Variants in KCNAB1 observed in about 807,000 individuals in gnomAD.
The protein encoded by KCNAB1 is voltage-gated potassium channel subunit beta-1.
KCNAB1 carries 35 observed loss-of-function variants against 64.6 expected under a neutral mutation model. That is an observed-to-expected ratio of 0.54 (90% CI 0.41 to 0.72). The LOEUF is 0.72. Among genes scored for constraint, KCNAB1 ranks in the 30% least tolerant of loss-of-function variants. The probability of loss-of-function intolerance (pLI) is 0.00; values close to 1 mark genes in which losing one functional copy is unlikely to be tolerated. For missense variants in KCNAB1, 401 were observed against 512.9 expected (o/e 0.78, Z 2.11); for synonymous variants, 177 against 183.8 (o/e 0.96, Z 0.30).
At chr3:156,415,566 C>T (rs1180998796) in intron 1 of KCNAB1, among the ~76,000 whole-genome samples, 26 of 152,168 alleles carry the variant, frequency 1.7e-4, no homozygotes, top group Admixed American at 1.7e-3. Flanking sequence ...CTCCACCCCA[C>T]TCGCTGCGCT....
intron 1 of KCNAB1, among the ~76,000 whole-genome samples, chr3:156,342,621 T>A (rs774167426): frequency 0.016 from 2,363 of 148,372 alleles, 14 homozygotes; most frequent in Non-Finnish European, 0.027. Flanking sequence ...TTTTTTTTTT[T>A]TTATTATACT....
In KCNAB1 at chr3:156,120,707, CA is replaced by C. The variant is rs1381816408; in HGVS notation, c.99del (p.Lys33AsnfsTer36). ...QSGFSVAGKD[K>X]SPKKASENAK... is the part of the protein sequence containing the mutation. ...CTGGGTTTTCTGTAGCAGGGAAAGA[CA>C]AATCTCCCAAGAAAGCCTCAGAAAA... On this transcript the variant is annotated frameshift_variant, in exon 1 of 14. Transcript: ENST00000490337. LOFTEE classifies it high-confidence loss of function. The C allele has an allele frequency of 2.5e-6, 4 of 1,614,112 alleles. No homozygotes were observed. Among genetic ancestry groups the C allele is most frequent in the Non-Finnish European group, 3.4e-6 (4 of 1,180,042 alleles).
At chr3:156,441,007 T>C (rs1395836961) in intron 2 of KCNAB1, 1 of 152,190 alleles carries the variant, frequency 6.6e-6, no homozygotes, top group Non-Finnish European at 1.5e-5. Context: ...ATATTCCTCT[T>C]TGAGTTTTTA....
intron 12 of KCNAB1, among the ~76,000 whole-genome samples, chr3:156,530,194 G>A (rs1380501942): frequency 1.3e-5 from 2 of 152,164 alleles, no homozygotes; most frequent in Non-Finnish European, 2.9e-5. Context: ...TTGAAATGGG[G>A]TGATGGGGGC....
rs569756109 is a variant in KCNAB1 at position 156,124,379 on chromosome 3, G to A, written c.275+3493G>A. On this transcript the variant is annotated intron_variant, in intron 1 of 13. Coordinates refer to ENST00000490337, the MANE Select transcript of KCNAB1 (RefSeq NM_172160.3). The stretch of plus-strand genomic sequence containing the variant: ...TTACAGGTGGGTGCCATTACGCCCA[G>A]CTAATTTTTGTATTTTTAGTAGAGT... Among the ~76,000 whole-genome samples the A allele has an allele frequency of 2.2e-3, 337 of 151,948 alleles. 1 individual carries two copies. The highest frequency in any genetic ancestry group is 7.4e-3 in the African/African-American group (307 of 41,454).
intron 1 of KCNAB1, among the ~76,000 whole-genome samples, chr3:156,284,289 G>A (rs1182585636): frequency 1.3e-5 from 2 of 152,100 alleles, no homozygotes; most frequent in Non-Finnish European, 2.9e-5. Context: ...AGGGGTCAGG[G>A]GTCAGGGACC....
At chr3:156,255,341 G>T (rs770788991) in intron 1 of KCNAB1, among the ~76,000 whole-genome samples, 3 of 152,320 alleles carry the variant, frequency 2.0e-5, no homozygotes, top group Non-Finnish European at 2.9e-5. Context: ...TTACTGTCAT[G>T]GAAGCAAATT....
rs56259743 is a variant in KCNAB1, at chr3:156,439,224, ATTTTTTTTTT to A, written c.320-13660_320-13651del. On this transcript the variant is annotated intron_variant, in intron 2 of 13. Transcript: ENST00000490337. The stretch of plus-strand genomic sequence containing the variant: ...AAAAGTGTTAATTTGCATCATTGTG[ATTTTTTTTTT>A]TTTTTTTTTTTTTTGGTTCTCACAA... 5.2e-5 allele frequency among the ~76,000 whole-genome samples: 6 copies of A among 115,096 alleles called. No homozygotes were observed. The South Asian group carries it at 8.2e-4, about 16-fold the overall frequency. The allele number at this position is 115,096 out of a possible 152,430, so 75.5% of individuals were successfully genotyped here. A position where few individuals can be genotyped will look rare whatever the true frequency, so the allele number is the denominator to read the frequency against.
chr3:156,421,486 C>T (rs553736120), intron 1 of KCNAB1, 130 bp from the exon 2 acceptor site: 40 of 823,602 alleles, frequency 4.9e-5, no homozygotes, highest in African/African-American at 1.7e-4. Context: ...GACAATATGC[C>T]GGCATCTGTG....
At chr3:156,201,281 G>T (rs1221841532) in intron 1 of KCNAB1, among the ~76,000 whole-genome samples, 2 of 152,172 alleles carry the variant, frequency 1.3e-5, no homozygotes, top group African/African-American at 4.8e-5. Context: ...CAGATCCCCT[G>T]TGCATTAATT....
chr3:156,265,054 A>T (rs909585005), intron 1 of KCNAB1, among the ~76,000 whole-genome samples: 1 of 152,148 alleles, frequency 6.6e-6, no homozygotes, highest in African/African-American at 2.4e-5. Flanking sequence ...GTAATCTTCT[A>T]TATTCAGAAT....
At chr3:156,379,039 C>G (rs1333907541) in intron 1 of KCNAB1, among the ~76,000 whole-genome samples, 1 of 152,220 alleles carries the variant, frequency 6.6e-6, no homozygotes, top group Non-Finnish European at 1.5e-5. Flanking sequence ...GTGGGACTTA[C>G]AGCCAACCAG....
intron 3 of KCNAB1, among the ~76,000 whole-genome samples, chr3:156,454,502 A>G (rs1302944697): frequency 6.6e-6 from 1 of 152,202 alleles, no homozygotes; most frequent in African/African-American, 2.4e-5. Flanking sequence ...GAGGAAGGCC[A>G]TTTGATGGCA....
intron 8 of KCNAB1, among the ~76,000 whole-genome samples, chr3:156,501,224 CA>C (rs1716379614): frequency 1.3e-5 from 2 of 151,854 alleles, no homozygotes; most frequent in South Asian, 2.1e-4. Flanking sequence ...AATGAGAGTC[CA>C]AAAAGCCTGC....
intron 1 of KCNAB1, among the ~76,000 whole-genome samples, chr3:156,274,235 A>T (rs1719204107): frequency 1.3e-5 from 2 of 152,236 alleles, no homozygotes. Flanking sequence ...AAAACTATGC[A>T]TGGGAAATAA....
intron 1 of KCNAB1, among the ~76,000 whole-genome samples, chr3:156,414,060 C>T (rs1714880149): frequency 6.6e-6 from 1 of 152,210 alleles, no homozygotes; most frequent in African/African-American, 2.4e-5. Context: ...CACCCTCCTC[C>T]TCAGTCAGGC....
At chr3:156,309,660 T>C (rs1015631843) in intron 1 of KCNAB1, among the ~76,000 whole-genome samples, 2 of 152,194 alleles carry the variant, frequency 1.3e-5, no homozygotes, top group Admixed American at 1.3e-4. Context: ...TCAAACGGAA[T>C]GTTACAAACC....
chr3:156,140,583 A>G (rs1415319193), intron 1 of KCNAB1, among the ~76,000 whole-genome samples: 4 of 152,310 alleles, frequency 2.6e-5, no homozygotes, highest in Middle Eastern at 3.4e-3. Flanking sequence ...ATATCCTAAT[A>G]TCATCACACT....
chr3:156,143,773 A>G (rs1714874172), intron 1 of KCNAB1, among the ~76,000 whole-genome samples: 1 of 150,804 alleles, frequency 6.6e-6, no homozygotes, highest in Non-Finnish European at 1.5e-5. Flanking sequence ...GAGAATTTAT[A>G]AGTTAAGAGT....
Sources: gnomAD v4.1 joint callset for allele counts (sites outside exome capture counted in the v4.1 genomes callset) on GRCh38, gnomAD v4.1.1 for gene constraint, MANE v1.5 for transcripts, NCBI Gene and HGNC (gene_info 2026-07-23, HGNC 2026-07-21) for gene names.